TYW1B: variants seen among roughly 807,000 people sequenced by gnomAD.
The protein encoded by TYW1B is S-adenosyl-L-methionine-dependent tRNA 4-demethylwyosine synthase TYW1B.
Under a neutral mutation model 86.9 loss-of-function variants are expected in TYW1B, and 73 were observed. The ratio of observed to expected loss-of-function variants is 0.84; its 90% CI spans 0.70 to 1.02. TYW1B has a LOEUF of 1.02. Ranked by LOEUF, TYW1B falls within the 50% of genes least tolerant of loss-of-function variation. The probability of loss-of-function intolerance (pLI) is 0.00; values close to 1 mark genes in which losing one functional copy is unlikely to be tolerated. For missense variants in TYW1B, 637 were observed against 827.4 expected (o/e 0.77, Z 2.82); for synonymous variants, 248 against 292.8 (o/e 0.85, Z 1.56).
intron 13 of TYW1B, among the ~76,000 whole-genome samples, chr7:72,592,163 A>T (rs1288160934): frequency 5.3e-4 from 62 of 116,942 alleles, no homozygotes; most frequent in African/African-American, 1.1e-3. Flanking sequence ...AATGTGTTAA[A>T]AAAAAAAAAA....
rs1245688222 is a variant in TYW1B at position 72,663,196 on chromosome 7, G to C, written c.1506+31491C>G. Among the ~76,000 whole-genome samples the C allele has an allele frequency of 1.1e-4, 16 of 151,996 alleles. No individual in the cohort carries two copies. The East Asian group carries it at 2.1e-3, about 20-fold the overall frequency. ...CTCTTAGTCAAGGCGGGGGGTTGTG[G>C]GGGGGTTGGCGGCACGATGACTTCT... On this transcript the variant is annotated intron_variant, in intron 11 of 13. Transcript: ENST00000620995.
chr7:72,800,365 A>T (rs6978683), intron 6 of TYW1B, among the ~76,000 whole-genome samples: 104,202 of 151,732 alleles, frequency 0.69, 36,686 homozygotes, highest in Non-Finnish European at 0.77. Flanking sequence ...ATCTAGCTAA[A>T]TTTTTTTATT....
chr7:72,623,356 T>C (rs1812271774), intron 12 of TYW1B, among the ~76,000 whole-genome samples: 1 of 152,104 alleles, frequency 6.6e-6, no homozygotes, highest in Admixed American at 6.6e-5. Context: ...ATTTCACATC[T>C]TGGGGGCATT....
intron 11 of TYW1B, among the ~76,000 whole-genome samples, chr7:72,683,493 C>T (rs2129570007): frequency 6.6e-6 from 1 of 152,304 alleles, no homozygotes; most frequent in South Asian, 2.1e-4. Flanking sequence ...TTGCTTGAAC[C>T]TGGGAGGCAG....
chr7:72,670,295 G>A (rs1442630885), intron 11 of TYW1B, among the ~76,000 whole-genome samples: 2 of 152,198 alleles, frequency 1.3e-5, no homozygotes, highest in Admixed American at 6.5e-5. Context: ...AGGTTCAAGC[G>A]ATTCTCCTGC....
intron 13 of TYW1B, among the ~76,000 whole-genome samples, chr7:72,607,592 T>C (rs1811834044): frequency 6.6e-6 from 1 of 151,748 alleles, no homozygotes; most frequent in African/African-American, 2.4e-5. Flanking sequence ...AAATAATAAA[T>C]GGTTCAACAG....
Position 72,574,524 on chromosome 7 carries a change from T to G in TYW1B, c.*974A>C, listed in dbSNP as rs1810974132. 5 of 961,102 alleles carry G rather than the reference T, an allele frequency of 5.2e-6. No individual in the cohort carries two copies. Among genetic ancestry groups the G allele is most frequent in the African/African-American group, 1.8e-5 (1 of 56,702 alleles). 59.5% of individuals were successfully genotyped at this position (961,102 alleles called of 1,614,324 possible). A position where few individuals can be genotyped will look rare whatever the true frequency, so the allele number is the denominator to read the frequency against. On this transcript the variant is annotated 3_prime_UTR_variant, in exon 14 of 14. Transcript: ENST00000620995. ...ACTCATGCTGCAAGTCTTTACAAAA[T>G]ATTATTTTATTAATTCAATTTTTGC... is the stretch of plus-strand genomic sequence containing the variant.
chr7:72,777,226 A>G (rs1224603833), intron 7 of TYW1B, among the ~76,000 whole-genome samples, 190 bp downstream of exon 7: 1 of 152,154 alleles, frequency 6.6e-6, no homozygotes, highest in East Asian at 1.9e-4. Context: ...ATAAACCAAG[A>G]AAAAAGGTAA....
chr7:72,662,029 CA>C (rs1183511579), intron 11 of TYW1B, among the ~76,000 whole-genome samples: 1 of 152,080 alleles, frequency 6.6e-6, no homozygotes, highest in Non-Finnish European at 1.5e-5. Flanking sequence ...AACCAGAGTC[CA>C]AAAAGAATCA....
intron 10 of TYW1B, among the ~76,000 whole-genome samples, chr7:72,701,007 T>G (rs1187027552): frequency 6.6e-6 from 1 of 151,334 alleles, no homozygotes; most frequent in Non-Finnish European, 1.5e-5. Context: ...GAGGTTGCAG[T>G]GAGCTGAGAT....
intron 6 of TYW1B, among the ~76,000 whole-genome samples, chr7:72,799,009 A>G (rs1228930997): frequency 6.6e-6 from 1 of 152,042 alleles, no homozygotes; most frequent in Non-Finnish European, 1.5e-5. Context: ...ACACCCAGCT[A>G]ATTTTGCATT....
chr7:72,644,097 T>C (rs1450753326), intron 11 of TYW1B, among the ~76,000 whole-genome samples: 5 of 152,182 alleles, frequency 3.3e-5, no homozygotes, highest in Admixed American at 6.5e-5. Context: ...TATTTGAAAA[T>C]CAACGCAATT....
At chr7:72,599,486 G>A (rs1286399703) in intron 13 of TYW1B, among the ~76,000 whole-genome samples, 1 of 152,122 alleles carries the variant, frequency 6.6e-6, no homozygotes, top group Non-Finnish European at 1.5e-5. Context: ...ATAAGGCAAG[G>A]ATGTCCCCTC....
At position 72,632,285 on chromosome 7, in the gene TYW1B, G is replaced by GTATATATATATATATATATATTA. The variant is rs1239640717; in HGVS notation, c.1507-3289_1507-3288insTAATATATATATATATATATATA. On this transcript the variant is annotated intron_variant, in intron 11 of 13. Transcript: ENST00000620995. ...AAAAAATATATATATATATATACGT[G>GTATATATATATATATATATATTA]TATATATATATATACGTGTATATAT... Among the ~76,000 whole-genome samples the GTATATATATATATATATATATTA allele has an allele frequency of 4.7e-3, 389 of 83,530 alleles. 27 individuals are homozygous for GTATATATATATATATATATATTA. The highest frequency in any genetic ancestry group is 0.021 in the African/African-American group (295 of 13,836). The allele number at this position is 83,530 out of a possible 152,430, so 54.8% of individuals were successfully genotyped here.
intron 10 of TYW1B, among the ~76,000 whole-genome samples, chr7:72,707,730 C>A (rs1814646444): frequency 6.6e-6 from 1 of 152,186 alleles, no homozygotes; most frequent in African/African-American, 2.4e-5. Context: ...TGTGAAAACT[C>A]CTCTAAGGGG....
chr7:72,678,267 G>C (rs1813782793), intron 11 of TYW1B, among the ~76,000 whole-genome samples: 1 of 152,098 alleles, frequency 6.6e-6, no homozygotes, highest in Non-Finnish European at 1.5e-5. Flanking sequence ...CAATCAAAGA[G>C]GGATGGGCAG....
chr7:72,695,587 T>C (rs1814296634), intron 10 of TYW1B, among the ~76,000 whole-genome samples: 2 of 152,082 alleles, frequency 1.3e-5, no homozygotes, highest in African/African-American at 2.4e-5. Context: ...CTTCTCCTAC[T>C]AGGTCTTTTC....
chr7:72,637,966 CTCTT>C (rs201922131), intron 11 of TYW1B, among the ~76,000 whole-genome samples: 1,863 of 151,808 alleles, frequency 0.012, 33 homozygotes, highest in African/African-American at 0.04. Context: ...AAAGTAATCT[CTCTT>C]TATCTCTGCC....
At chr7:72,747,259 G>A (rs1226729499) in intron 7 of TYW1B, among the ~76,000 whole-genome samples, 7 of 152,126 alleles carry the variant, frequency 4.6e-5, no homozygotes, top group African/African-American at 1.7e-4. Flanking sequence ...CAAAAGATCC[G>A]ATGGGTTTAT....
Sources: gnomAD v4.1 joint callset for allele counts (sites outside exome capture counted in the v4.1 genomes callset) on GRCh38, gnomAD v4.1.1 for gene constraint, MANE v1.5 for transcripts, NCBI Gene and HGNC (gene_info 2026-07-23, HGNC 2026-07-21) for gene names.